The following MAPKAPK3 variants were observed in gnomAD, a reference collection of about 807,000 sequenced individuals.
MAPKAPK3 encodes the protein MAP kinase-activated protein kinase 3.
In MAPKAPK3, 35 loss-of-function variants were observed where a neutral mutation model predicts 49.2. The observed-to-expected ratio is 0.71, with a 90% CI of 0.54 to 0.94. The LOEUF is 0.94. Among genes scored for constraint, MAPKAPK3 ranks in the 40% least tolerant of loss-of-function variants. The pLI is 0.00. For synonymous variants in MAPKAPK3, 178 were observed against 188.7 expected, an observed-to-expected ratio of 0.94 and a Z score of 0.46; for missense variants, 398 against 493.1, an observed-to-expected ratio of 0.81 and a Z score of 1.83.
chr3:50,640,365 G>C lies in MAPKAPK3; in HGVS notation c.220-1G>C. Reference sequence around the variant, plus strand: ...CACTTTCTATGTGCACCCACCTACAGCTCCTGTATGACAGCCCCAAGGCCC... The same window carrying C: ...CACTTTCTATGTGCACCCACCTACACCTCCTGTATGACAGCCCCAAGGCCC... On this transcript the variant is annotated splice_acceptor_variant, in intron 2 of 10. Transcript: ENST00000621469. LOFTEE classifies it high-confidence loss of function. 6.2e-7 allele frequency: 1 copy of C among 1,613,102 alleles called. No individual in the cohort carries two copies. The highest frequency in any genetic ancestry group is 8.5e-7 in the Non-Finnish European group (1 of 1,179,400).
At position 50,646,775 on chromosome 3, in the gene MAPKAPK3, C is replaced by T. The variant is rs1254507565; in HGVS notation, c.865C>T (p.Pro289Ser). Residue 289 changes from proline (P) to serine (S), a missense_variant, in exon 9 of 11, where the codon CCC becomes TCC. Pro to Ser is a moderately conservative substitution (Grantham distance 74, BLOSUM62 -1). This residue lies in a region of MAPKAPK3 where 152 missense variants were observed against 177.3 expected (regional missense o/e 0.86). Coordinates refer to ENST00000621469, the MANE Select transcript of MAPKAPK3 (RefSeq NM_001243925.2). ...GATCCGCCTCCTGTTGAAGACAGACCCCACAGAGAGGCTGACCATCACTCA... is the reference window on the plus strand; with the variant it reads ...GATCCGCCTCCTGTTGAAGACAGACTCCACAGAGAGGCTGACCATCACTCA... ...QLIRLLLKTD[P>S]TERLTITQFM... 7.4e-6 allele frequency: 12 copies of T among 1,613,948 alleles called. No homozygotes were observed. The highest frequency in any genetic ancestry group is 1.0e-5 in the Non-Finnish European group (12 of 1,180,026).
chr3:50,646,916 G>C (rs868505964), intron 9 of MAPKAPK3, 91 bp downstream of exon 9: 1 of 1,332,964 alleles, frequency 7.5e-7, no homozygotes. Flanking sequence ...TGAGGCCCCA[G>C]TGCAGGGCTG....
In MAPKAPK3 at chr3:50,620,321, C is replaced by A. The variant is rs565818853; in HGVS notation, c.219+2537C>A. Among the ~76,000 whole-genome samples the A allele has an allele frequency of 2.0e-5, 3 of 152,232 alleles. No individual in the cohort carries two copies. The South Asian group carries it at 6.2e-4, about 32-fold the overall frequency. ...AGTCCTCTCCTTGCATCTGCCTAGC[C>A]CTCTCCCCGCAGTTGCCCCAGCTCA... On this transcript the variant is annotated intron_variant, in intron 2 of 10. Coordinates refer to ENST00000621469, the MANE Select transcript of MAPKAPK3 (RefSeq NM_001243925.2).
At chr3:50,641,823 C>G in intron 4 of MAPKAPK3, 52 bp downstream of exon 4, 1 of 1,485,280 alleles carries the variant, frequency 6.7e-7, no homozygotes, top group Non-Finnish European at 9.4e-7. Flanking sequence ...GAGGTATGGA[C>G]CAGAGCGTTG....
chr3:50,647,055 A>G, intron 9 of MAPKAPK3, 68 bp from the exon 10 acceptor site: 1 of 1,337,566 alleles, frequency 7.5e-7, no homozygotes, highest in Non-Finnish European at 1.0e-6. Context: ...AAGAGGATGG[A>G]GTAGGGGGAA....
intron 6 of MAPKAPK3, among the ~76,000 whole-genome samples, chr3:50,645,182 C>T (rs920547427): frequency 6.6e-6 from 1 of 152,168 alleles, no homozygotes; most frequent in African/African-American, 2.4e-5. Context: ...AAATGGCACT[C>T]TGTTAACTAG....
chr3:50,631,765 C>T (rs775939926), intron 2 of MAPKAPK3, among the ~76,000 whole-genome samples: 4 of 152,206 alleles, frequency 2.6e-5, no homozygotes, highest in Admixed American at 1.3e-4. Context: ...GTCTTATTCA[C>T]GGCCTGCCTC....
At chr3:50,644,679 G>T (rs186678459) in intron 6 of MAPKAPK3, 147 bp downstream of exon 6, 5 of 807,766 alleles carry the variant, frequency 6.2e-6, no homozygotes, top group South Asian at 1.9e-5. Context: ...CGGGTGACGT[G>T]GGGGGCCGGA....
At chr3:50,611,774 T>A, upstream of MAPKAPK3, 1 of 1,296,246 alleles carries the variant, frequency 7.7e-7, no homozygotes, top group Non-Finnish European at 1.0e-6. Flanking sequence ...GGACAGGGAC[T>A]GAGAGGCAGT....
At chr3:50,633,136 C>T (rs2032953211) in intron 2 of MAPKAPK3, among the ~76,000 whole-genome samples, 3 of 152,042 alleles carry the variant, frequency 2.0e-5, no homozygotes, top group Admixed American at 2.0e-4. Context: ...GGCTTGGTCA[C>T]CTTCTTGCAC....
chr3:50,626,087 C>CA (rs397824646), intron 2 of MAPKAPK3, among the ~76,000 whole-genome samples: 3 of 151,968 alleles, frequency 2.0e-5, no homozygotes, highest in South Asian at 2.1e-4. Flanking sequence ...GCCACCCCCC[C>CA]ATGGCTTGTG....
chr3:50,630,603 G>A (rs988843159), intron 2 of MAPKAPK3, among the ~76,000 whole-genome samples: 2 of 152,278 alleles, frequency 1.3e-5, no homozygotes, highest in South Asian at 2.1e-4. Flanking sequence ...AACAGCCACC[G>A]AGTAGCAGGG....
At chr3:50,612,758 C>T (rs1164699927), upstream of MAPKAPK3, 1 of 151,936 alleles carries the variant, frequency 6.6e-6, no homozygotes, top group African/African-American at 2.4e-5. Context: ...TCCTGCAACT[C>T]AAAACATAGG....
chr3:50,627,903 G>A (rs987711495), intron 2 of MAPKAPK3, among the ~76,000 whole-genome samples: 2 of 152,156 alleles, frequency 1.3e-5, no homozygotes, highest in African/African-American at 4.8e-5. Flanking sequence ...TGAGGAGAGC[G>A]ATGGCTGCCT....
rs1351066812 is a variant in MAPKAPK3, at chr3:50,646,745, C to A, written c.835C>A (p.Gln279Lys). Reference protein sequence around the residue: ...EWSEVSEDAKQLIRLLLKTDP... With the variant: ...EWSEVSEDAKKLIRLLLKTDP... ...CTCTTCCCTGGCCCCCCTAGCCAAG[C>A]AGCTGATCCGCCTCCTGTTGAAGAC... The change falls in exon 9 of 11, where the codon CAG becomes AAG. Residue 279 changes from glutamine (Q) to lysine (K), a missense_variant. Physicochemically the swap from Gln to Lys is moderately conservative, Grantham distance 53. Around this residue, in one of 5 missense-constraint regions of MAPKAPK3, gnomAD observed 152 missense variants for 177.3 expected, o/e 0.86. Transcript: ENST00000621469. 6.2e-7 allele frequency: 1 copy of A among 1,614,038 alleles called. No homozygotes were observed. The highest frequency in any genetic ancestry group is 1.7e-5 in the Admixed American group (1 of 60,016).
chr3:50,613,520 C>T (rs1016414194), upstream of MAPKAPK3, among the ~76,000 whole-genome samples: 9 of 152,158 alleles, frequency 5.9e-5, no homozygotes, highest in African/African-American at 9.7e-5. Context: ...GCCTGATATG[C>T]GGCCCCTGTG....
upstream of MAPKAPK3, chr3:50,612,645 A>G (rs569790088): frequency 6.6e-6 from 1 of 152,018 alleles, no homozygotes; most frequent in Non-Finnish European, 1.5e-5. Context: ...AGGGGAGAAG[A>G]GACTACAGAT....
intron 2 of MAPKAPK3, among the ~76,000 whole-genome samples, chr3:50,635,920 CAAAAAAAAAAAAAAAAAAAAAAAAAACCA>C (rs1179640204): frequency 1.4e-5 from 1 of 73,492 alleles, no homozygotes; most frequent in African/African-American, 9.3e-5. Flanking sequence ...CCGTCTCTAC[CAAAAAAAAAAAAAAAAAAAAAAAAAACCA>C]AAAAAAAAAA....
intron 2 of MAPKAPK3, among the ~76,000 whole-genome samples, chr3:50,631,470 G>C (rs2032909381): frequency 6.6e-6 from 1 of 152,228 alleles, no homozygotes; most frequent in South Asian, 2.1e-4. Context: ...GGCTGAGGCT[G>C]TGACCCATTC....
Sources: allele counts gnomAD v4.1 joint callset (sites outside exome capture counted in the v4.1 genomes callset), GRCh38; gene constraint gnomAD v4.1.1; regional missense constraint gnomAD v4.1.1; transcripts MANE v1.5; gene names NCBI Gene and HGNC (gene_info 2026-07-23, HGNC 2026-07-21).